Variants in CD247 observed in about 807,000 individuals in gnomAD.
CD247 encodes the protein CD247 molecule, also known as T-cell surface glycoprotein CD3 zeta chain.
In CD247, 13 loss-of-function variants were observed where a neutral mutation model predicts 30.0. That is an observed-to-expected ratio of 0.43 (90% CI 0.28 to 0.69). The LOEUF is 0.69. CD247 is among the 30% of genes least tolerant of loss of function. The probability of loss-of-function intolerance (pLI) is 0.16; values close to 1 mark genes in which losing one functional copy is unlikely to be tolerated. For missense variants in CD247, 193 were observed against 212.6 expected (o/e 0.91, Z 0.57); for synonymous variants, 72 against 80.0 (o/e 0.90, Z 0.53).
intron 1 of CD247, among the ~76,000 whole-genome samples, chr1:167,451,994 G>A (rs1327601119): frequency 2.0e-5 from 3 of 152,152 alleles, no homozygotes; most frequent in Non-Finnish European, 2.9e-5. Flanking sequence ...AGGTGGAGGC[G>A]GGTGGATCAC....
chr1:167,435,519 G>A, intron 4 of CD247, 85 bp from the exon 5 acceptor site: 3 of 1,100,918 alleles, frequency 2.7e-6, no homozygotes, highest in East Asian at 2.4e-5. Context: ...CCTGCCCCCT[G>A]ACTGCAGTTT....
intron 1 of CD247, among the ~76,000 whole-genome samples, chr1:167,487,395 CGAA>C (rs1324563248): frequency 6.6e-6 from 1 of 152,034 alleles, no homozygotes; most frequent in Non-Finnish European, 1.5e-5. Flanking sequence ...AAAGAAAAAA[CGAA>C]GAAAGAAAAG....
chr1:167,518,286 TGAG>T, intron 1 of CD247, 119 bp downstream of exon 1: 1 of 894,880 alleles, frequency 1.1e-6, no homozygotes, highest in African/African-American at 1.6e-5. Flanking sequence ...CCCATTGATT[TGAG>T]GAGGGCAGGA....
chr1:167,451,748 G>T (rs968178198), intron 1 of CD247, among the ~76,000 whole-genome samples: 13 of 152,222 alleles, frequency 8.5e-5, no homozygotes, highest in African/African-American at 3.1e-4. Context: ...CTTGAAAGAG[G>T]TCACTAAGTT....
intron 3 of CD247, among the ~76,000 whole-genome samples, chr1:167,438,868 T>C (rs1651677835): frequency 6.6e-6 from 1 of 152,112 alleles, no homozygotes; most frequent in African/African-American, 2.4e-5. Context: ...TCCCCAAAGG[T>C]CACCAAGTAC....
At chr1:167,497,077 C>T (rs1290800161) in intron 1 of CD247, among the ~76,000 whole-genome samples, 1 of 152,116 alleles carries the variant, frequency 6.6e-6, no homozygotes, top group African/African-American at 2.4e-5. Context: ...AACATGAAGC[C>T]ATCTAAATGT....
At chr1:167,504,662 C>A (rs1655043564) in intron 1 of CD247, among the ~76,000 whole-genome samples, 1 of 152,182 alleles carries the variant, frequency 6.6e-6, no homozygotes, top group African/African-American at 2.4e-5. Context: ...TGGACAGTCC[C>A]AGCAGAGAAG....
In CD247 at chr1:167,468,895, T is replaced by C. The variant is rs79936072; in HGVS notation, c.59-28128A>G. 8.9e-3 allele frequency among the ~76,000 whole-genome samples: 1,351 copies of C among 151,936 alleles called. 9 individuals are homozygous for C. The highest frequency in any genetic ancestry group is 0.031 in the African/African-American group (1,304 of 41,404). On this transcript the variant is annotated intron_variant, in intron 1 of 7. Transcript: ENST00000362089. ...AAGGGAACCAAAAAATAAAGTGCTC[T>C]CTTTCCTTCCAAGCAGGGAAAGGAA...
chr1:167,451,130 G>A (rs1408515234), intron 1 of CD247, among the ~76,000 whole-genome samples: 1 of 151,748 alleles, frequency 6.6e-6, no homozygotes, highest in Non-Finnish European at 1.5e-5. Flanking sequence ...CTGCAAGCAG[G>A]GGTAGGTAGC....
chr1:167,449,059 C>T (rs4657660), intron 1 of CD247, among the ~76,000 whole-genome samples: 139,533 of 152,022 alleles, frequency 0.92, 64,527 homozygotes, highest in East Asian at 1. Flanking sequence ...TTAGGGGTAG[C>T]GCTTTATGAG....
intron 1 of CD247, among the ~76,000 whole-genome samples, chr1:167,480,909 C>A (rs973887890): frequency 6.7e-6 from 1 of 148,248 alleles, no homozygotes; most frequent in African/African-American, 2.7e-5. Context: ...ACATGTGAAA[C>A]AACAAGGCTG....
At position 167,474,907 on chromosome 1, in the gene CD247, C is replaced by T. The variant is rs142725760; in HGVS notation, c.59-34140G>A. Among the ~76,000 whole-genome samples the T allele has an allele frequency of 5.7e-3, 866 of 151,970 alleles. 8 individuals carry two copies. Among genetic ancestry groups the T allele is most frequent in the African/African-American group, 0.02 (832 of 41,440 alleles). ...AGCTGGGATTACAGGCGCCCACCAC[C>T]ATGCCCGGGTAATTTTTGTATTTAT... On this transcript the variant is annotated intron_variant, in intron 1 of 7. Transcript: ENST00000362089.
intron 1 of CD247, among the ~76,000 whole-genome samples, chr1:167,441,715 A>G (rs1347485986): frequency 6.6e-6 from 1 of 152,098 alleles, no homozygotes; most frequent in Non-Finnish European, 1.5e-5. Context: ...TGCCATATTA[A>G]CCTTTGTCAA....
chr1:167,503,359 C>T lies in CD247; in HGVS notation c.58+15049G>A, dbSNP rs1654990537. On this transcript the variant is annotated intron_variant, in intron 1 of 7. Coordinates refer to ENST00000362089, the MANE Select transcript of CD247 (RefSeq NM_198053.3). ...CTCTAGCCCAGCTTTCTCATAACTT[C>T]CTCTTAGAGCCCTCACTCTGTATTC... 1.3e-5 allele frequency among the ~76,000 whole-genome samples: 2 copies of T among 152,208 alleles called. 1 individual carries two copies. The highest frequency in any genetic ancestry group is 4.1e-4 in the South Asian group (2 of 4,830).
intron 1 of CD247, among the ~76,000 whole-genome samples, chr1:167,516,710 A>G (rs1008214577): frequency 1.1e-4 from 17 of 152,172 alleles, no homozygotes; most frequent in African/African-American, 3.4e-4. Context: ...ATCAGTCTCC[A>G]TAGAGGCAAA....
chr1:167,430,809 A>G lies in CD247; in HGVS notation c.*872T>C, dbSNP rs1375459214. ...ATTGACGGGTTTTTCCTGTCCTGCC[A>G]CTGTCCGCTGGGCAGTTATAGGTCC... is the stretch of plus-strand genomic sequence containing the variant. On this transcript the variant is annotated 3_prime_UTR_variant, in exon 8 of 8. Coordinates refer to ENST00000362089, the MANE Select transcript of CD247 (RefSeq NM_198053.3). The G allele has an allele frequency of 2.5e-6, 1 of 398,574 alleles. No homozygotes were observed. The highest frequency in any genetic ancestry group is 4.4e-6 in the Non-Finnish European group (1 of 226,120). The allele number at this position is 398,574 out of a possible 1,614,324, so 24.7% of individuals were successfully genotyped here. A position where few individuals can be genotyped will look rare whatever the true frequency, so the allele number is the denominator to read the frequency against.
intron 1 of CD247, among the ~76,000 whole-genome samples, chr1:167,510,175 C>T (rs896867418): frequency 5.3e-5 from 8 of 152,192 alleles, no homozygotes; most frequent in Admixed American, 6.5e-5. Flanking sequence ...AACACACACA[C>T]CATACATACA....
At chr1:167,502,262 G>A (rs903528895) in intron 1 of CD247, among the ~76,000 whole-genome samples, 3 of 152,184 alleles carry the variant, frequency 2.0e-5, no homozygotes, top group Admixed American at 6.5e-5. Context: ...TGTGGTGCAC[G>A]GCCATCAGCG....
intron 1 of CD247, among the ~76,000 whole-genome samples, chr1:167,490,382 T>C (rs1301536347): frequency 6.6e-6 from 1 of 152,202 alleles, no homozygotes; most frequent in Non-Finnish European, 1.5e-5. Flanking sequence ...CCCAGCACTT[T>C]GGGAGGCCGA....
Sources: allele counts gnomAD v4.1 joint callset (sites outside exome capture counted in the v4.1 genomes callset), GRCh38; gene constraint gnomAD v4.1.1; transcripts MANE v1.5; gene names NCBI Gene and HGNC (gene_info 2026-07-23, HGNC 2026-07-21).